CCSER1: variants seen among roughly 807,000 people sequenced by gnomAD.
CCSER1 encodes the protein serine-rich coiled-coil domain-containing protein 1.
A neutral mutation model predicts 82.0 loss-of-function variants in CCSER1; 41 were observed. That is an observed-to-expected ratio of 0.50 (90% CI 0.39 to 0.65). CCSER1 has a LOEUF of 0.65. CCSER1 is among the 30% of genes least tolerant of loss of function. CCSER1 has a pLI of 0.00. For synonymous variants in CCSER1, 414 were observed against 383.9 expected, an observed-to-expected ratio of 1.08 and a Z score of -0.92; for missense variants, 1,119 against 1,064.2, an observed-to-expected ratio of 1.05 and a Z score of -0.72.
At chr4:90,638,463 C>T in intron 6 of CCSER1, among the ~76,000 whole-genome samples, 1 of 152,022 alleles carries the variant, frequency 6.6e-6, no homozygotes. Context: ...ATTGTCAGTT[C>T]TTATAAATTA....
At chr4:90,302,509 T>C (rs374437294) in intron 1 of CCSER1, among the ~76,000 whole-genome samples, 15 of 152,268 alleles carry the variant, frequency 9.9e-5, no homozygotes, top group African/African-American at 3.4e-4. Flanking sequence ...GATTAGAATA[T>C]GGCAGTCATG....
At chr4:90,901,676 A>G (rs936252844) in intron 8 of CCSER1, among the ~76,000 whole-genome samples, 12 of 152,000 alleles carry the variant, frequency 7.9e-5, no homozygotes, top group Admixed American at 6.6e-4. Context: ...GATTTTCTTT[A>G]TGGGTAACTT....
intron 8 of CCSER1, among the ~76,000 whole-genome samples, chr4:90,821,099 A>G (rs1476903504): frequency 6.6e-6 from 1 of 152,170 alleles, no homozygotes; most frequent in Admixed American, 6.5e-5. Flanking sequence ...CACCCACTTA[A>G]TGATAGTAGC....
intron 3 of CCSER1, among the ~76,000 whole-genome samples, chr4:90,379,746 T>A (rs1048664641): frequency 5.9e-5 from 9 of 152,188 alleles, no homozygotes; most frequent in African/African-American, 1.9e-4. Flanking sequence ...GTTAGTCTGT[T>A]CTCACATTGC....
intron 10 of CCSER1, among the ~76,000 whole-genome samples, chr4:91,404,246 CT>C (rs377667868): frequency 7.2e-5 from 11 of 151,798 alleles, no homozygotes; most frequent in African/African-American, 2.7e-4. Flanking sequence ...GGTCATATCC[CT>C]TTTCTTTTTT....
At chr4:91,468,149 A>C (rs1182639396) in intron 10 of CCSER1, among the ~76,000 whole-genome samples, 1 of 152,156 alleles carries the variant, frequency 6.6e-6, no homozygotes, top group African/African-American at 2.4e-5. Context: ...TGGCACATAT[A>C]CTCCATGGAA....
At chr4:90,666,427 G>A (rs2149122816) in intron 6 of CCSER1, among the ~76,000 whole-genome samples, 1 of 152,238 alleles carries the variant, frequency 6.6e-6, no homozygotes, top group South Asian at 2.1e-4. Flanking sequence ...TGGCTAACTT[G>A]CTTTTTAGCC....
At chr4:90,574,803 C>A (rs1342879738) in intron 5 of CCSER1, among the ~76,000 whole-genome samples, 2 of 151,806 alleles carry the variant, frequency 1.3e-5, no homozygotes, top group Non-Finnish European at 2.9e-5. Context: ...TCATTTCCAG[C>A]AAACGACAGC....
chr4:90,287,544 T>C (rs1718919154), intron 1 of CCSER1, among the ~76,000 whole-genome samples: 1 of 151,858 alleles, frequency 6.6e-6, no homozygotes, highest in East Asian at 1.9e-4. Flanking sequence ...TCATCAGAGT[T>C]TTCACAAAGC....
At chr4:90,888,007 A>C (rs1163389120) in intron 8 of CCSER1, among the ~76,000 whole-genome samples, 1 of 152,220 alleles carries the variant, frequency 6.6e-6, no homozygotes, top group Non-Finnish European at 1.5e-5. Context: ...ACGGAGAAAA[A>C]GTTGTAAAAA....
intron 9 of CCSER1, among the ~76,000 whole-genome samples, chr4:91,048,150 T>C (rs1025682098): frequency 6.6e-6 from 1 of 152,070 alleles, no homozygotes; most frequent in Admixed American, 6.6e-5. Context: ...TTCATGAATA[T>C]TAATTTCCTT....
chr4:90,899,006 T>C (rs546806798), intron 8 of CCSER1, among the ~76,000 whole-genome samples: 2 of 152,146 alleles, frequency 1.3e-5, no homozygotes, highest in South Asian at 4.1e-4. Flanking sequence ...TTGATAGGAA[T>C]TTATTTGAAT....
intron 1 of CCSER1, among the ~76,000 whole-genome samples, chr4:90,227,863 A>C (rs949438658): frequency 4.6e-5 from 7 of 152,308 alleles, no homozygotes; most frequent in African/African-American, 1.4e-4. Context: ...GGGGTGACAG[A>C]TGGCACCTGG....
At chr4:91,278,701 G>C (rs1742673410) in intron 10 of CCSER1, among the ~76,000 whole-genome samples, 1 of 152,068 alleles carries the variant, frequency 6.6e-6, no homozygotes, top group South Asian at 2.1e-4. Flanking sequence ...ATGTTGATAT[G>C]TGAGGTTTTT....
chr4:90,551,704 C>CTATATATATATATATATATATATA (rs1242206717), intron 5 of CCSER1, among the ~76,000 whole-genome samples: 3 of 107,538 alleles, frequency 2.8e-5, no homozygotes, highest in African/African-American at 1.4e-4. Context: ...CTCTCTCTCT[C>CTATATATATATATATATATATATA]TCTATATATA....
chr4:90,767,279 A>C (rs1198124513), intron 7 of CCSER1, among the ~76,000 whole-genome samples: 1 of 151,842 alleles, frequency 6.6e-6, no homozygotes, highest in Admixed American at 6.6e-5. Flanking sequence ...TCACAGTTCT[A>C]AAAGAAGCAA....
intron 9 of CCSER1, among the ~76,000 whole-genome samples, chr4:90,950,267 G>A (rs773651521): frequency 6.6e-6 from 1 of 151,962 alleles, no homozygotes; most frequent in Non-Finnish European, 1.5e-5. Context: ...AAATTAATGA[G>A]TTTGATTTTT....
chr4:90,602,114 T>C (rs554786298), intron 5 of CCSER1, among the ~76,000 whole-genome samples: 27 of 152,274 alleles, frequency 1.8e-4, no homozygotes, highest in African/African-American at 6.5e-4. Context: ...TCAACCAGCA[T>C]TGTGAGGTAG....
At chr4:91,016,707 C>A (rs1345431517) in intron 9 of CCSER1, among the ~76,000 whole-genome samples, 1 of 152,078 alleles carries the variant, frequency 6.6e-6, no homozygotes, top group Non-Finnish European at 1.5e-5. Context: ...TGCTCAAATA[C>A]ATAAAATGTA....
Sources: gnomAD v4.1 joint callset for allele counts (sites outside exome capture counted in the v4.1 genomes callset) on GRCh38, gnomAD v4.1.1 for gene constraint, MANE v1.5 for transcripts, NCBI Gene and HGNC (gene_info 2026-07-23, HGNC 2026-07-21) for gene names.